Variants in AKAP13 observed in about 807,000 individuals in gnomAD.
AKAP13 encodes the protein A-kinase anchoring protein 13.
Under a neutral mutation model 264.5 loss-of-function variants are expected in AKAP13, and 80 were observed. That is an observed-to-expected ratio of 0.30 (90% CI 0.25 to 0.36). The LOEUF (loss-of-function observed/expected upper bound fraction) is 0.36, where lower values mean the gene tolerates loss of function less well. Ranked by LOEUF, AKAP13 falls within the 10% of genes least tolerant of loss-of-function variation. The pLI, the probability that AKAP13 is intolerant of heterozygous loss-of-function variation, is 1.00. For missense variants in AKAP13, 3,712 were observed against 3,435.2 expected, an observed-to-expected ratio of 1.08 and a Z score of -2.01; for synonymous variants, 1,380 against 1,250.2, an observed-to-expected ratio of 1.10 and a Z score of -2.19.
rs375310018 is a variant in AKAP13, at chr15:85,444,748, C to T, written c.-11-40962C>T. 1.3e-4 allele frequency among the ~76,000 whole-genome samples: 20 copies of T among 152,290 alleles called. No individual in the cohort carries two copies. The East Asian group carries it at 3.3e-3, about 25-fold the overall frequency. ...AAATTTAGTGAAGTCAACACCAGGA[C>T]TCTAGCAGCCCTTCCTGGTGAATTA... On this transcript the variant is annotated intron_variant, in intron 1 of 36. Coordinates refer to ENST00000394518, the MANE Select transcript of AKAP13 (RefSeq NM_007200.5).
At chr15:85,740,912 C>T (rs941923596) in intron 34 of AKAP13, 134 bp from the exon 35 acceptor site, 143 of 1,412,236 alleles carry the variant, frequency 1.0e-4, no homozygotes, top group Admixed American at 3.7e-4. Flanking sequence ...TTTTATGAGA[C>T]GGGCTTGAAA....
Position 85,436,672 on chromosome 15 carries a change from G to A in AKAP13, c.-11-49038G>A, listed in dbSNP as rs374253979. ...CTCAGGATTAAGAATCTCACTCAAA[G>A]CCGCTCAACTACATGGAAACTGAAC... On this transcript the variant is annotated intron_variant, in intron 1 of 36. Coordinates refer to ENST00000394518, the MANE Select transcript of AKAP13 (RefSeq NM_007200.5). Among the ~76,000 whole-genome samples, 6 of 145,232 alleles carry A rather than the reference G, an allele frequency of 4.1e-5. No homozygotes were observed. The South Asian group carries it at 1.1e-3, about 28-fold the overall frequency.
intron 8 of AKAP13, among the ~76,000 whole-genome samples, chr15:85,593,876 G>A (rs537942593): frequency 1.6e-4 from 24 of 152,012 alleles, no homozygotes; most frequent in Non-Finnish European, 2.2e-4. Context: ...AGTGAATTAG[G>A]GTTTTAACCT....
Position 85,580,720 on chromosome 15 carries a change from G to A in AKAP13, c.2652G>A (p.Leu884=). 8.7e-6 allele frequency: 14 copies of A among 1,614,158 alleles called. No individual in the cohort carries two copies. Among genetic ancestry groups the A allele is most frequent in the Non-Finnish European group, 1.1e-5 (13 of 1,180,024 alleles). Reference sequence around the variant, plus strand: ...CCCCTCCAGCAATCCCAGAAGCTCTGAATATCAAGGGGAACACTGACTCTT... The same window carrying A: ...CCCCTCCAGCAATCCCAGAAGCTCTAAATATCAAGGGGAACACTGACTCTT... ...GPAPPAIPEA[L]NIKGNTDSSL... is the part of the protein sequence containing the mutation. The change falls in exon 7 of 37, where the codon CTG becomes CTA. Residue 884 remains leucine, a synonymous_variant. Transcript: ENST00000394518.
rs79632669 is a variant in AKAP13, at chr15:85,722,766, TAA to T, written c.6497-294_6497-293del. On this transcript the variant is annotated intron_variant, in intron 25 of 36. Transcript: ENST00000394518. The stretch of plus-strand genomic sequence containing the variant: ...TACATTAAAAATTAAGTAAAACAAA[TAA>T]AAAAAAAAAAACTTGGTTGCTCTTC... 3.5e-5 allele frequency among the ~76,000 whole-genome samples: 5 copies of T among 143,866 alleles called. No homozygotes were observed. In the Middle Eastern group the frequency reaches 0.018, roughly 510 times the overall value. 94.4% of individuals were successfully genotyped at this position (143,866 alleles called of 152,430 possible).
At chr15:85,674,462 T>C (rs2084104357) in intron 14 of AKAP13, among the ~76,000 whole-genome samples, 2 of 152,226 alleles carry the variant, frequency 1.3e-5, no homozygotes, top group Admixed American at 1.3e-4. Context: ...GAAATACTTC[T>C]GACCCCAAGC....
intron 1 of AKAP13, among the ~76,000 whole-genome samples, chr15:85,387,639 A>G (rs931166190): frequency 6.6e-6 from 1 of 151,162 alleles, no homozygotes; most frequent in African/African-American, 2.4e-5. Flanking sequence ...GTGGTTTTTG[A>G]TTGGCATTGT....
intron 1 of AKAP13, among the ~76,000 whole-genome samples, chr15:85,462,749 G>A (rs1161611363): frequency 5.9e-5 from 9 of 152,148 alleles, no homozygotes; most frequent in Admixed American, 2.6e-4. Flanking sequence ...TTTTGGCCGG[G>A]CGTGGTGGCT....
intron 7 of AKAP13, among the ~76,000 whole-genome samples, chr15:85,585,242 A>T (rs2079292039): frequency 6.6e-6 from 1 of 152,184 alleles, no homozygotes; most frequent in African/African-American, 2.4e-5. Context: ...AGTGAAAGTC[A>T]TACTTGTCCC....
chr15:85,493,622 A>G (rs539466069), intron 2 of AKAP13, among the ~76,000 whole-genome samples: 10 of 152,310 alleles, frequency 6.6e-5, no homozygotes, highest in African/African-American at 2.2e-4. Flanking sequence ...AATAGTGCCT[A>G]TATCTCTCCA....
Position 85,515,259 on chromosome 15 carries a change from T to C in AKAP13, c.34-6169T>C, listed in dbSNP as rs763656222. ...AAAAGCTGTAAGGATAGAACAGATATTACATCTTATAAACTTTATGCCCCT... is the reference window on the plus strand; with the variant it reads ...AAAAGCTGTAAGGATAGAACAGATACTACATCTTATAAACTTTATGCCCCT... On this transcript the variant is annotated intron_variant, in intron 2 of 36. Transcript: ENST00000394518. Among the ~76,000 whole-genome samples, 6 of 139,028 alleles carry C rather than the reference T, an allele frequency of 4.3e-5. 2 individuals carry two copies. The highest frequency in any genetic ancestry group is 1.4e-4 in the African/African-American group (5 of 34,684). 91.2% of individuals were successfully genotyped at this position (139,028 alleles called of 152,430 possible).
intron 1 of AKAP13, among the ~76,000 whole-genome samples, chr15:85,443,503 C>CTTA (rs1029531324): frequency 2.0e-5 from 3 of 152,092 alleles, no homozygotes; most frequent in Non-Finnish European, 2.9e-5. Context: ...ATCAGCATTC[C>CTTA]TTATTATTAT....
At chr15:85,732,395 C>T (rs528637017) in intron 30 of AKAP13, among the ~76,000 whole-genome samples, 16 of 151,166 alleles carry the variant, frequency 1.1e-4, no homozygotes, top group Non-Finnish European at 1.8e-4. Context: ...CTAGGTTGGG[C>T]CTTTTCAGTG....
intron 1 of AKAP13, among the ~76,000 whole-genome samples, chr15:85,431,228 T>A (rs911966388): frequency 6.6e-5 from 10 of 152,236 alleles, no homozygotes; most frequent in African/African-American, 2.4e-4. Flanking sequence ...CCTGATTTGC[T>A]ATAAATTGAG....
At chr15:85,532,950 C>G (rs892950348) in intron 3 of AKAP13, among the ~76,000 whole-genome samples, 1 of 152,304 alleles carries the variant, frequency 6.6e-6, no homozygotes, top group Middle Eastern at 3.4e-3. Context: ...TCATTGAAGT[C>G]CTCATTACAT....
chr15:85,613,405 G>A (rs1485798451), intron 8 of AKAP13, among the ~76,000 whole-genome samples: 2 of 152,108 alleles, frequency 1.3e-5, no homozygotes, highest in Non-Finnish European at 2.9e-5. Context: ...GCTGGGGCCG[G>A]GTGCGGTGGC....
chr15:85,685,077 A>G, intron 16 of AKAP13: 1 of 567,342 alleles, frequency 1.8e-6, no homozygotes, highest in Non-Finnish European at 3.0e-6. Flanking sequence ...TTTTCACTAT[A>G]TGCTAAGTGC....
rs545555994 is a variant in AKAP13 at position 85,575,529 on chromosome 15, T to A, written c.861+200T>A. On this transcript the variant is annotated intron_variant, in intron 6 of 36. Coordinates refer to ENST00000394518, the MANE Select transcript of AKAP13 (RefSeq NM_007200.5). Reference sequence around the variant, plus strand: ...TAACACGGTGAAACCCTGTCTCTACTAAAAATACAAAAAATTGGCCGGCCT... The same window carrying A: ...TAACACGGTGAAACCCTGTCTCTACAAAAAATACAAAAAATTGGCCGGCCT... Among the ~76,000 whole-genome samples, 143 of 152,160 alleles carry A rather than the reference T, an allele frequency of 9.4e-4. 1 individual carries two copies. Among genetic ancestry groups the A allele is most frequent in the African/African-American group, 3.3e-3 (139 of 41,506 alleles).
chr15:85,695,098 T>A (rs945993889), intron 17 of AKAP13, among the ~76,000 whole-genome samples: 1 of 152,032 alleles, frequency 6.6e-6, no homozygotes, highest in Admixed American at 6.5e-5. Context: ...CTGGTAGAAA[T>A]TTGAAATGTT....
Sources: gnomAD v4.1 joint callset for allele counts (sites outside exome capture counted in the v4.1 genomes callset) on GRCh38, gnomAD v4.1.1 for gene constraint, MANE v1.5 for transcripts, NCBI Gene and HGNC (gene_info 2026-07-23, HGNC 2026-07-21) for gene names.